The following PJVK variants were observed in gnomAD, a reference collection of about 807,000 sequenced individuals.
The protein encoded by PJVK is autosomal recessive deafness type 59 protein.
A neutral mutation model predicts 37.6 loss-of-function variants in PJVK; 33 were observed. The ratio of observed to expected loss-of-function variants is 0.88; its 90% confidence interval spans 0.67 to 1.17. PJVK has a LOEUF of 1.17. Among genes scored for constraint, PJVK ranks in the 50% most tolerant of loss-of-function variants. PJVK has a pLI of 0.00. For missense variants in PJVK, 410 were observed against 413.8 expected (o/e 0.99, Z 0.08); for synonymous variants, 141 against 143.5 (o/e 0.98, Z 0.13).
In PJVK at chr2:178,454,460, G is replaced by A; in HGVS notation, c.340G>A (p.Ala114Thr). The A allele has an allele frequency of 1.2e-6, 2 of 1,613,924 alleles. No individual in the cohort carries two copies. The highest frequency in any genetic ancestry group is 8.5e-7 in the Non-Finnish European group (1 of 1,179,962). Residue 114 changes from alanine to threonine, a missense_variant, in exon 3 of 7, where the codon GCT becomes ACT. Physicochemically the swap from Ala to Thr is moderately conservative, Grantham distance 58. Transcript: ENST00000644580. ...TGGATCAGATTCCATTGCAGTGAAA[G>A]CTTCATTTGGTATAGTAACCAAACA... ...VAGSDSIAVK[A>T]SFGIVTKHEV...
chr2:178,455,493 C>G (rs1207600662), intron 3 of PJVK: 1 of 974,504 alleles, frequency 1.0e-6, no homozygotes, highest in Non-Finnish European at 1.7e-6. Context: ...CTTTCCCACT[C>G]TTCTCTGGGA....
At chr2:178,456,762 G>A (rs1441750498) in intron 4 of PJVK, among the ~76,000 whole-genome samples, 1 of 150,402 alleles carries the variant, frequency 6.6e-6, no homozygotes, top group Non-Finnish European at 1.5e-5. Flanking sequence ...GTGAGACTCC[G>A]TCTCAAAAAA....
Position 178,461,489 on chromosome 2 carries a change from T to C in PJVK, c.*215T>C, listed in dbSNP as rs1404914425. 1 of 516,134 alleles carries C rather than the reference T, an allele frequency of 1.9e-6. No homozygotes were observed. The highest frequency in any genetic ancestry group is 3.4e-6 in the Non-Finnish European group (1 of 293,990). The allele number at this position is 516,134 out of a possible 1,614,324, so 32.0% of individuals were successfully genotyped here. A position where few individuals can be genotyped will look rare whatever the true frequency, so the allele number is the denominator to read the frequency against. On this transcript the variant is annotated 3_prime_UTR_variant, in exon 7 of 7. Coordinates refer to ENST00000644580, the MANE Select transcript of PJVK (RefSeq NM_001042702.5). ...TCATGAAAATTAATAACATTGTTTA[T>C]ATCAAAAAAGATTTACATATAAAAT...
In PJVK at chr2:178,461,296, G is replaced by A; in HGVS notation, c.*22G>A. On this transcript the variant is annotated 3_prime_UTR_variant, in exon 7 of 7. Coordinates refer to ENST00000644580, the MANE Select transcript of PJVK (RefSeq NM_001042702.5). ...ATAAAATGAAAAATGAATACACCGTGTTGGTGTTTTAGGTGCAGTTGTGCC... is the reference window on the plus strand; with the variant it reads ...ATAAAATGAAAAATGAATACACCGTATTGGTGTTTTAGGTGCAGTTGTGCC... 3.1e-6 allele frequency: 5 copies of A among 1,612,668 alleles called. No homozygotes were observed. Among genetic ancestry groups the A allele is most frequent in the Non-Finnish European group, 3.4e-6 (4 of 1,179,610 alleles).
At chr2:178,455,554 G>C (rs1268109815) in intron 3 of PJVK, 3 of 713,498 alleles carry the variant, frequency 4.2e-6, no homozygotes, top group Non-Finnish European at 5.1e-6. Flanking sequence ...CAGGCACACA[G>C]GTCCCAGGGC....
Position 178,456,036 on chromosome 2 carries a change from T to C in PJVK, c.434T>C (p.Ile145Thr), listed in dbSNP as rs1318287926. The change falls in exon 4 of 7, where the codon ATA becomes ACA. Residue 145 changes from isoleucine (I) to threonine (T), a missense_variant. Coordinates refer to ENST00000644580, the MANE Select transcript of PJVK (RefSeq NM_001042702.5). ...TRKINFDHSL[I>T]RQSRSSRKAV... ...AAAATTAACTTTGACCACAGCTTGA[T>C]ACGTCAGTCAAGGAGCAGCAGAAAG... is the stretch of plus-strand genomic sequence containing the variant. 3.7e-6 allele frequency: 6 copies of C among 1,614,056 alleles called. No individual in the cohort carries two copies. The African/African-American group carries it at 8.0e-5, about 22-fold the overall frequency.
At chr2:178,459,097 TA>T (rs1359348959) in intron 5 of PJVK, 1 of 467,534 alleles carries the variant, frequency 2.1e-6, no homozygotes, top group African/African-American at 2.0e-5. Context: ...GCACTCTTCC[TA>T]AAAAATAACT....
At chr2:178,460,954 C>G in intron 6 of PJVK, 28 bp from the exon 7 acceptor site, 2 of 1,591,502 alleles carry the variant, frequency 1.3e-6, no homozygotes, top group Middle Eastern at 1.7e-4. Context: ...ACTTCTAACA[C>G]ATTTCTTTTC....
intron 1 of PJVK, chr2:178,452,375 A>AGAC: frequency 2.0e-6 from 2 of 985,166 alleles, no homozygotes; most frequent in Non-Finnish European, 2.4e-6. Flanking sequence ...AAAGATGTTC[A>AGAC]GAATCTAATC....
chr2:178,453,317 T>A, intron 1 of PJVK, 71 bp from the exon 2 acceptor site: 1 of 1,274,732 alleles, frequency 7.8e-7, no homozygotes, highest in Non-Finnish European at 1.1e-6. Flanking sequence ...ATAATTATAT[T>A]TAAAAACAAG....
In PJVK at chr2:178,461,741, G is replaced by T. The variant is rs1157214735; in HGVS notation, c.*467G>T. Among the ~76,000 whole-genome samples the T allele has an allele frequency of 2.0e-5, 3 of 151,808 alleles. No individual in the cohort carries two copies. The highest frequency in any genetic ancestry group is 4.4e-5 in the Non-Finnish European group (3 of 67,950). On this transcript the variant is annotated 3_prime_UTR_variant, in exon 7 of 7. Coordinates refer to ENST00000644580, the MANE Select transcript of PJVK (RefSeq NM_001042702.5). Reference sequence around the variant, plus strand: ...TGGGATTACTGGCGCCTGCCACCACGCCTGGCTAATTTTTTGTATTTTTAG... The same window carrying T: ...TGGGATTACTGGCGCCTGCCACCACTCCTGGCTAATTTTTTGTATTTTTAG...
chr2:178,453,382 T>A lies in PJVK; in HGVS notation c.-22-6T>A, dbSNP rs144704250. ...CTTTAAAAATGGATTTATCTGGGGG[T>A]TGCAGTTGATGACGTTTTGATTTTA... On this transcript the variant is annotated splice_polypyrimidine_tract_variant and splice_region_variant and intron_variant, in intron 1 of 6. Coordinates refer to ENST00000644580, the MANE Select transcript of PJVK (RefSeq NM_001042702.5). 1,022 of 1,613,030 alleles carry A rather than the reference T, an allele frequency of 6.3e-4. 6 individuals carry two copies. The East Asian group carries it at 0.021, about 34-fold the overall frequency.
chr2:178,454,181 A>G, intron 2 of PJVK, 151 bp from the exon 3 acceptor site: 1 of 615,620 alleles, frequency 1.6e-6, no homozygotes, highest in East Asian at 3.0e-5. Context: ...TTGTAAGATT[A>G]ATTGAATTAC....
rs1198196714 is a variant in PJVK at position 178,461,046 on chromosome 2, C to G, written c.831C>G (p.Tyr277Ter). Residue 277 changes from tyrosine (Y) to a stop codon, truncating the protein, a stop_gained, in exon 7 of 7, where the codon TAC becomes TAG. Coordinates refer to ENST00000644580, the MANE Select transcript of PJVK (RefSeq NM_001042702.5). LOFTEE classifies it high-confidence loss of function. The part of the protein sequence containing the change: ...QLYLDDLFSD[Y>*]YDKPLSMTDI... ...ACTTGGATGATCTTTTTTCTGACTA[C>G]TATGACAAACCTCTCAGCATGACTG... 1 of 1,614,002 alleles carries G rather than the reference C, an allele frequency of 6.2e-7. No individual in the cohort carries two copies. The highest frequency in any genetic ancestry group is 1.3e-5 in the African/African-American group (1 of 75,002).
chr2:178,454,919 C>G, intron 3 of PJVK: 2 of 908,376 alleles, frequency 2.2e-6, no homozygotes, highest in African/African-American at 3.3e-5. Context: ...TGAAGCCCAA[C>G]CTAGGCAACA....
intron 3 of PJVK, chr2:178,455,381 A>G: frequency 7.4e-7 from 1 of 1,345,698 alleles, no homozygotes; most frequent in South Asian, 1.2e-5. Flanking sequence ...GAAGAAGTTC[A>G]TGGATCAGCA....
At chr2:178,455,979 G>T in intron 3 of PJVK, 31 bp from the exon 4 acceptor site, 1 of 1,610,322 alleles carries the variant, frequency 6.2e-7, no homozygotes, top group Non-Finnish European at 8.5e-7. Flanking sequence ...AGATGTTATA[G>T]AGTCTTGTGA....
Position 178,456,318 on chromosome 2 carries a change from A to G in PJVK, c.549+167A>G. The G allele has an allele frequency of 3.6e-6, 3 of 826,700 alleles. No homozygotes were observed. The South Asian group carries it at 5.0e-5, about 14-fold the overall frequency. The allele number at this position is 826,700 out of a possible 1,614,324, so 51.2% of individuals were successfully genotyped here. Reference sequence around the variant, plus strand: ...AATGTCTGTTCTAGAATATGAAAAAAAAAAACAAATCTTGGGATTCTAAAC... The same window carrying G: ...AATGTCTGTTCTAGAATATGAAAAAGAAAAACAAATCTTGGGATTCTAAAC... On this transcript the variant is annotated intron_variant, in intron 4 of 6. Transcript: ENST00000644580.
Position 178,460,653 on chromosome 2 carries a change from C to A in PJVK, c.766+207C>A, listed in dbSNP as rs189741733. 5.3e-5 allele frequency among the ~76,000 whole-genome samples: 8 copies of A among 151,568 alleles called. No homozygotes were observed. In the East Asian group the frequency reaches 1.6e-3, roughly 29 times the overall value. ...CACTCAGAAGTTTGAAACACTTGGG[C>A]AATGTGAGAAAACCCCATCTGTACA... On this transcript the variant is annotated intron_variant, in intron 6 of 6. Coordinates refer to ENST00000644580, the MANE Select transcript of PJVK (RefSeq NM_001042702.5).
Sources: gnomAD v4.1 joint callset for allele counts (sites outside exome capture counted in the v4.1 genomes callset) on GRCh38, gnomAD v4.1.1 for gene constraint, MANE v1.5 for transcripts, NCBI Gene and HGNC (gene_info 2026-07-23, HGNC 2026-07-21) for gene names.